Variants in DAP3 observed in about 807,000 individuals in gnomAD.
The protein encoded by DAP3 is small ribosomal subunit protein mS29.
DAP3 carries 28 observed loss-of-function variants against 51.9 expected under a neutral mutation model. The ratio of observed to expected loss-of-function variants is 0.54; its 90% CI spans 0.40 to 0.74. DAP3 has a LOEUF of 0.74. Among genes scored for constraint, DAP3 ranks in the 30% least tolerant of loss-of-function variants. DAP3 has a pLI of 0.00. For missense variants in DAP3, 458 were observed against 483.5 expected, an observed-to-expected ratio of 0.95 and a Z score of 0.49; for synonymous variants, 170 against 170.3, an observed-to-expected ratio of 1.00 and a Z score of 0.01.
rs1323319042 is a variant in DAP3 at position 155,700,349 on chromosome 1, T to C, written c.-7-9424T>C. On this transcript the variant is annotated intron_variant, in intron 1 of 12. Coordinates refer to ENST00000368336, the MANE Select transcript of DAP3 (RefSeq NM_004632.4). ...ATTCTGTGGGCTGTCTTTCACTTAC[T>C]TGATGGTATCCCTTGAAGTACAAGT... 3.9e-5 allele frequency among the ~76,000 whole-genome samples: 6 copies of C among 152,394 alleles called. No individual in the cohort carries two copies. In the East Asian group the frequency reaches 1.2e-3, roughly 29 times the overall value.
chr1:155,720,537 A>C (rs1321045977), intron 3 of DAP3, among the ~76,000 whole-genome samples: 1 of 151,808 alleles, frequency 6.6e-6, no homozygotes, highest in Non-Finnish European at 1.5e-5. Context: ...GATCCTAGCT[A>C]CTTGGGAGGG....
At chr1:155,707,099 CCAAAA>C (rs952571164) in intron 1 of DAP3, among the ~76,000 whole-genome samples, 3 of 116,972 alleles carry the variant, frequency 2.6e-5, no homozygotes, top group South Asian at 2.8e-4. Flanking sequence ...CTCAAAAAAA[CCAAAA>C]CAAAACAAAC....
At chr1:155,702,398 G>A (rs532879052) in intron 1 of DAP3, among the ~76,000 whole-genome samples, 5 of 152,148 alleles carry the variant, frequency 3.3e-5, no homozygotes, top group East Asian at 3.9e-4. Context: ...GCGTGAACCC[G>A]GGAGGCAGAG....
rs1659285192 is a variant in DAP3, at chr1:155,732,012, GC to G, written c.976del (p.Gln326ArgfsTer58). On this transcript the variant is annotated frameshift_variant, in exon 11 of 13. Transcript: ENST00000368336. LOFTEE classifies it high-confidence loss of function. ...SLFKPRKAYL[P>X]QELLGKEGFD... Reference sequence around the variant, plus strand: ...TCTTTAAGCCCCGGAAAGCCTATCTGCCCCAGGAGTTGCTGGGAAAGGTCAA... The same window carrying G: ...TCTTTAAGCCCCGGAAAGCCTATCTGCCCAGGAGTTGCTGGGAAAGGTCAA... 1 of 1,611,270 alleles carries G rather than the reference GC, an allele frequency of 6.2e-7. No homozygotes were observed. The highest frequency in any genetic ancestry group is 8.5e-7 in the Non-Finnish European group (1 of 1,178,778).
chr1:155,738,553 G>A lies in DAP3; in HGVS notation c.*311G>A, dbSNP rs12066633. On this transcript the variant is annotated 3_prime_UTR_variant, in exon 13 of 13. Coordinates refer to ENST00000368336, the MANE Select transcript of DAP3 (RefSeq NM_004632.4). ...AAGTGTTGTGTTAGATTAATAATAT[G>A]GAAGGAGTCTTTAGATTGGCCAAAT... 0.018 allele frequency: 4,733 copies of A among 260,420 alleles called. 215 individuals carry two copies. The highest frequency in any genetic ancestry group is 0.091 in the African/African-American group (4,106 of 45,088). 16.1% of individuals were successfully genotyped at this position (260,420 alleles called of 1,614,324 possible).
rs1179137397 is a variant in DAP3, at chr1:155,725,500, C to A, written c.379+10C>A. ...ATACGATATCTTCTGTGTATCCTTT[C>A]CTGCCTGCGTGGACCCTCATGAACC... On this transcript the variant is annotated intron_variant, in intron 5 of 12. Coordinates refer to ENST00000368336, the MANE Select transcript of DAP3 (RefSeq NM_004632.4). 6.2e-7 allele frequency: 1 copy of A among 1,609,026 alleles called. No homozygotes were observed. The highest frequency in any genetic ancestry group is 8.5e-7 in the Non-Finnish European group (1 of 1,175,398).
At chr1:155,736,361 T>C (rs1400087553) in intron 11 of DAP3, among the ~76,000 whole-genome samples, 1 of 152,164 alleles carries the variant, frequency 6.6e-6, no homozygotes, top group Non-Finnish European at 1.5e-5. Flanking sequence ...AATATGTGTG[T>C]GTGCGTGTGT....
rs139804160 is a variant in DAP3, at chr1:155,717,068, A to G, written c.108A>G (p.Leu36=). The stretch of plus-strand genomic sequence containing the variant: ...CTCGCCAAAGCATTGCTGCTCACCT[A>G]GATAACCAGGTTCCAGTTGAGAGTC... ...TQARQSIAAH[L]DNQVPVESPR... is the part of the protein sequence containing the mutation. The change falls in exon 3 of 13, where the codon CTA becomes CTG. Residue 36 remains leucine (L), a synonymous_variant. Transcript: ENST00000368336. The G allele has an allele frequency of 2.2e-4, 361 of 1,614,080 alleles. 2 individuals are homozygous for G. In the African/African-American group the frequency reaches 4.4e-3, roughly 20 times the overall value.
chr1:155,723,190 G>T (rs190217970), intron 4 of DAP3, among the ~76,000 whole-genome samples: 25 of 152,078 alleles, frequency 1.6e-4, no homozygotes, highest in Non-Finnish European at 3.5e-4. Context: ...GTCTCACTCT[G>T]ACAACCAGGC....
upstream of DAP3, chr1:155,688,127 G>T: frequency 6.2e-7 from 1 of 1,612,002 alleles, no homozygotes; most frequent in Non-Finnish European, 8.5e-7. Context: ...GGGGGTGGCC[G>T]CCAGGCTCCT....
At chr1:155,738,114 G>A (rs1299498824) in intron 12 of DAP3, 43 bp from the exon 13 acceptor site, 1 of 1,589,710 alleles carries the variant, frequency 6.3e-7, no homozygotes, top group Non-Finnish European at 8.6e-7. Flanking sequence ...ACACAGTGCA[G>A]CAGGAGGAAA....
chr1:155,727,805 A>T, intron 7 of DAP3, 67 bp downstream of exon 7: 1 of 1,545,730 alleles, frequency 6.5e-7, no homozygotes. Flanking sequence ...CCTGAGTACC[A>T]ATAGACTATG....
intron 1 of DAP3, 115 bp downstream of exon 1, chr1:155,689,289 C>T (rs1258164261): frequency 2.0e-5 from 13 of 635,890 alleles, no homozygotes; most frequent in Admixed American, 1.5e-4. Flanking sequence ...GGGGGGATTC[C>T]TCCCGGGCGT....
chr1:155,735,725 G>A (rs1659707328), intron 11 of DAP3, among the ~76,000 whole-genome samples: 1 of 151,684 alleles, frequency 6.6e-6, no homozygotes, highest in African/African-American at 2.4e-5. Context: ...ACGCTGGAGT[G>A]CAGTGGTGCA....
chr1:155,712,877 A>C (rs769367546), intron 2 of DAP3, among the ~76,000 whole-genome samples: 10 of 152,140 alleles, frequency 6.6e-5, no homozygotes, highest in Non-Finnish European at 1.2e-4. Flanking sequence ...TCTCCAGCTA[A>C]AGAGGCATGG....
chr1:155,689,001 G>A (rs1417944294), upstream of DAP3: 4 of 1,596,868 alleles, frequency 2.5e-6, no homozygotes, highest in Non-Finnish European at 3.4e-6. Context: ...GGGATCGAGG[G>A]CGGCCTAGCG....
At chr1:155,702,538 G>A (rs1404344608) in intron 1 of DAP3, among the ~76,000 whole-genome samples, 2 of 152,072 alleles carry the variant, frequency 1.3e-5, no homozygotes, top group South Asian at 2.1e-4. Context: ...TTATGAGTAC[G>A]TCTATGATCT....
At chr1:155,731,542 T>G in intron 10 of DAP3, 127 bp downstream of exon 10, 1 of 889,654 alleles carries the variant, frequency 1.1e-6, no homozygotes, top group Non-Finnish European at 1.7e-6. Flanking sequence ...TATGTCTTAT[T>G]TAATTCCTGT....
intron 1 of DAP3, among the ~76,000 whole-genome samples, chr1:155,702,137 A>T (rs1655360177): frequency 6.7e-6 from 1 of 148,174 alleles, no homozygotes; most frequent in African/African-American, 2.5e-5. Context: ...AATTAAAAAA[A>T]TTGATTCTGC....
Sources: gnomAD v4.1 joint callset for allele counts (sites outside exome capture counted in the v4.1 genomes callset) on GRCh38, gnomAD v4.1.1 for gene constraint, MANE v1.5 for transcripts, NCBI Gene and HGNC (gene_info 2026-07-23, HGNC 2026-07-21) for gene names.